The following RABGAP1L variants were observed in gnomAD, a reference collection of about 807,000 sequenced individuals.
RABGAP1L encodes RAB GTPase activating protein 1 like, also known as rab GTPase-activating protein 1-like.
A neutral mutation model predicts 137.7 loss-of-function variants in RABGAP1L; 63 were observed. That is an observed-to-expected ratio of 0.46 (90% CI 0.37 to 0.56). RABGAP1L has a LOEUF of 0.56. Among genes scored for constraint, RABGAP1L ranks in the 20% least tolerant of loss-of-function variants. The probability of loss-of-function intolerance (pLI) is 0.00; values close to 1 mark genes in which losing one functional copy is unlikely to be tolerated. For synonymous variants in RABGAP1L, 431 were observed against 433.7 expected, an observed-to-expected ratio of 0.99 and a Z score of 0.08; for missense variants, 1,095 against 1,244.0, an observed-to-expected ratio of 0.88 and a Z score of 1.80.
intron 14 of RABGAP1L, among the ~76,000 whole-genome samples, chr1:174,648,766 T>C (rs1345409831): frequency 2.6e-5 from 4 of 152,156 alleles, no homozygotes; most frequent in Non-Finnish European, 4.4e-5. Context: ...GTTAATTTTC[T>C]GTCTTGTTGA....
At chr1:174,625,080 G>A (rs1167152807) in intron 13 of RABGAP1L, among the ~76,000 whole-genome samples, 2 of 151,826 alleles carry the variant, frequency 1.3e-5, no homozygotes, top group African/African-American at 4.8e-5. Flanking sequence ...CACCATCTTG[G>A]CCAGGCTGGT....
rs142031475 is a variant in RABGAP1L at position 174,754,108 on chromosome 1, T to C, written c.2211+1754T>C. On this transcript the variant is annotated intron_variant, in intron 18 of 25. Coordinates refer to ENST00000681986, the MANE Select transcript of RABGAP1L (RefSeq NM_001366446.1). ...ACAGACAAGGCCTCTACAGAGGACA[T>C]ACTCTGGCCACTGGGCAGGAAGGCT... Among the ~76,000 whole-genome samples, 367 of 152,350 alleles carry C rather than the reference T, an allele frequency of 2.4e-3. 2 individuals carry two copies. The highest frequency in any genetic ancestry group is 8.0e-3 in the African/African-American group (333 of 41,580).
chr1:174,572,445 G>C (rs1557860231), intron 13 of RABGAP1L, among the ~76,000 whole-genome samples: 2 of 152,222 alleles, frequency 1.3e-5, no homozygotes, highest in African/African-American at 2.4e-5. Context: ...GAGTGCAGTG[G>C]TACAATCTTG....
intron 17 of RABGAP1L, among the ~76,000 whole-genome samples, chr1:174,732,767 T>C (rs1682595039): frequency 6.6e-6 from 1 of 152,208 alleles, no homozygotes; most frequent in African/African-American, 2.4e-5. Context: ...CTGGTTATTT[T>C]CCTCAAATTC....
intron 15 of RABGAP1L, among the ~76,000 whole-genome samples, chr1:174,688,777 T>C (rs765160370): frequency 6.6e-6 from 1 of 152,018 alleles, no homozygotes; most frequent in Non-Finnish European, 1.5e-5. Context: ...TCACACTACA[T>C]TGATTCATAT....
chr1:174,637,269 CTGT>C (rs1342928401), intron 13 of RABGAP1L, 103 bp from the exon 14 acceptor site: 14 of 739,918 alleles, frequency 1.9e-5, no homozygotes, highest in Non-Finnish European at 3.1e-5. Context: ...TTATGTTTTT[CTGT>C]TGTTTACTTT....
chr1:174,929,608 G>T (rs1328231723), intron 19 of RABGAP1L, among the ~76,000 whole-genome samples: 1 of 151,860 alleles, frequency 6.6e-6, no homozygotes, highest in African/African-American at 2.4e-5. Context: ...GCCAGGTGTA[G>T]TGGCATGCGC....
At chr1:174,676,637 T>C (rs187332132) in intron 14 of RABGAP1L, among the ~76,000 whole-genome samples, 70 of 152,336 alleles carry the variant, frequency 4.6e-4, no homozygotes, top group African/African-American at 1.6e-3. Flanking sequence ...ATGTATCTAT[T>C]TTCCAATGAA....
At chr1:174,686,301 A>T (rs1557984513) in intron 15 of RABGAP1L, among the ~76,000 whole-genome samples, 4 of 152,082 alleles carry the variant, frequency 2.6e-5, no homozygotes, top group Admixed American at 6.5e-5. Flanking sequence ...TTTGAGGTTG[A>T]TGGTTTTTTT....
At chr1:174,807,586 GTC>G (rs993625731) in intron 18 of RABGAP1L, among the ~76,000 whole-genome samples, 49 of 152,294 alleles carry the variant, frequency 3.2e-4, no homozygotes, top group African/African-American at 1.1e-3. Context: ...GATTATGGAA[GTC>G]TCTCGAAGAT....
chr1:174,441,735 A>AAAAC (rs568316315), intron 13 of RABGAP1L, among the ~76,000 whole-genome samples: 5,773 of 152,128 alleles, frequency 0.038, 141 homozygotes, highest in Middle Eastern at 0.088. Flanking sequence ...ACTCTGTCTC[A>AAAAC]AAACAAACAA....
At chr1:174,486,265 G>T (rs1042408759) in intron 13 of RABGAP1L, among the ~76,000 whole-genome samples, 21 of 60,186 alleles carry the variant, frequency 3.5e-4, no homozygotes, top group South Asian at 1.4e-3. Flanking sequence ...TGTCAATTTT[G>T]TTTAACTTTT....
At chr1:174,889,874 C>T (rs1296769176) in intron 19 of RABGAP1L, among the ~76,000 whole-genome samples, 3 of 152,158 alleles carry the variant, frequency 2.0e-5, no homozygotes, top group African/African-American at 7.2e-5. Context: ...GGACTGCAGG[C>T]ACATACCACC....
chr1:174,732,528 C>T (rs1682570433), intron 17 of RABGAP1L, among the ~76,000 whole-genome samples: 1 of 152,068 alleles, frequency 6.6e-6, no homozygotes, highest in Non-Finnish European at 1.5e-5. Context: ...AATTAGTACG[C>T]ATGAGAACAC....
At chr1:174,651,325 A>G (rs1265984230) in intron 14 of RABGAP1L, among the ~76,000 whole-genome samples, 2 of 152,078 alleles carry the variant, frequency 1.3e-5, no homozygotes, top group Admixed American at 6.6e-5. Context: ...ATTTGGGGTG[A>G]AGAGTTCTGT....
chr1:174,743,251 G>A (rs1348090697), intron 17 of RABGAP1L, among the ~76,000 whole-genome samples: 2 of 152,172 alleles, frequency 1.3e-5, no homozygotes, highest in Non-Finnish European at 2.9e-5. Flanking sequence ...AGCAATTATG[G>A]TGAATGAGGG....
intron 19 of RABGAP1L, among the ~76,000 whole-genome samples, chr1:174,830,902 TAG>T (rs1692044940): frequency 6.8e-6 from 1 of 147,972 alleles, no homozygotes; most frequent in Admixed American, 6.8e-5. Flanking sequence ...AACATTTGAG[TAG>T]AGATACTCTG....
chr1:174,207,044 C>A (rs570958131), intron 1 of RABGAP1L, among the ~76,000 whole-genome samples: 1 of 152,210 alleles, frequency 6.6e-6, no homozygotes, highest in African/African-American at 2.4e-5. Flanking sequence ...CTGATACATA[C>A]CAGATTTTCT....
At chr1:174,866,754 A>G (rs1386253590) in intron 19 of RABGAP1L, among the ~76,000 whole-genome samples, 1 of 151,446 alleles carries the variant, frequency 6.6e-6, no homozygotes, top group African/African-American at 2.4e-5. Context: ...TCTACTAAAA[A>G]TATAAAAAAT....
Sources: gnomAD v4.1 joint callset for allele counts (sites outside exome capture counted in the v4.1 genomes callset) on GRCh38, gnomAD v4.1.1 for gene constraint, MANE v1.5 for transcripts, NCBI Gene and HGNC (gene_info 2026-07-23, HGNC 2026-07-21) for gene names.